GRIA1: variants seen among roughly 807,000 people sequenced by gnomAD.
The protein encoded by GRIA1 is glutamate receptor 1.
In GRIA1, 31 loss-of-function variants were observed where a neutral mutation model predicts 99.2. The ratio of observed to expected loss-of-function variants is 0.31; its 90% CI spans 0.23 to 0.42. The LOEUF (loss-of-function observed/expected upper bound fraction) is 0.42, where lower values mean the gene tolerates loss of function less well. GRIA1 is among the 10% of genes least tolerant of loss of function. GRIA1 has a pLI of 1.00. For synonymous variants in GRIA1, 438 were observed against 432.4 expected (o/e 1.01, Z -0.16); for missense variants, 782 against 1,157.5 (o/e 0.68, Z 4.71).
chr5:153,641,646 G>A (rs1047062484), intron 2 of GRIA1, among the ~76,000 whole-genome samples: 2 of 152,116 alleles, frequency 1.3e-5, no homozygotes, highest in East Asian at 1.9e-4. Flanking sequence ...TCTCTGCCAG[G>A]CCTTTGCTGT....
chr5:153,491,322 C>A (rs1753896957), intron 1 of GRIA1: 1 of 1,178,938 alleles, frequency 8.5e-7, no homozygotes, highest in Non-Finnish European at 1.1e-6. Context: ...GTGCTTGATT[C>A]CATTTTTAAT....
At chr5:153,500,979 G>A (rs1446732284) in intron 2 of GRIA1, among the ~76,000 whole-genome samples, 2 of 152,068 alleles carry the variant, frequency 1.3e-5, no homozygotes, top group Non-Finnish European at 2.9e-5. Flanking sequence ...TCCTTCTGGG[G>A]CTGTATTTCT....
At chr5:153,770,147 C>A in intron 12 of GRIA1, 21 bp from the exon 13 acceptor site, 1 of 1,611,176 alleles carries the variant, frequency 6.2e-7, no homozygotes. Context: ...TTAATTCCAG[C>A]TTTGTTTCTG....
chr5:153,720,193 C>G (rs928521600), intron 11 of GRIA1, among the ~76,000 whole-genome samples: 1 of 152,130 alleles, frequency 6.6e-6, no homozygotes, highest in South Asian at 2.1e-4. Context: ...AAGTTAGCAT[C>G]GAGCATTTTA....
At chr5:153,649,436 T>TTTATTTATTTAG in intron 3 of GRIA1, among the ~76,000 whole-genome samples, 1 of 97,208 alleles carries the variant, frequency 1.0e-5, no homozygotes, top group Admixed American at 9.6e-5. Flanking sequence ...ATTTTATTTA[T>TTTATTTATTTAG]TTATTTAGTT....
At chr5:153,753,560 T>C (rs529231439) in intron 11 of GRIA1, among the ~76,000 whole-genome samples, 1 of 152,306 alleles carries the variant, frequency 6.6e-6, no homozygotes, top group Admixed American at 6.5e-5. Flanking sequence ...GCTCGTCATC[T>C]TAGGTCTCCG....
intron 11 of GRIA1, among the ~76,000 whole-genome samples, chr5:153,720,516 G>A (rs1035584232): frequency 4.6e-5 from 7 of 152,294 alleles, no homozygotes; most frequent in African/African-American, 1.4e-4. Context: ...TCCATGTTTA[G>A]GCAATGTTTG....
At chr5:153,510,336 T>G (rs1245446357) in intron 2 of GRIA1, among the ~76,000 whole-genome samples, 1 of 152,060 alleles carries the variant, frequency 6.6e-6, no homozygotes, top group Admixed American at 6.6e-5. Context: ...TTTGGTAACA[T>G]TTGTAATTGA....
At chr5:153,771,680 G>A (rs1260948644) in intron 13 of GRIA1, among the ~76,000 whole-genome samples, 1 of 152,200 alleles carries the variant, frequency 6.6e-6, no homozygotes, top group Admixed American at 6.5e-5. Context: ...AACGAGATAT[G>A]CTGGATAAGA....
intron 2 of GRIA1, among the ~76,000 whole-genome samples, chr5:153,585,169 AAGTTGGAACAGC>A (rs1166776269): frequency 1.3e-5 from 2 of 152,110 alleles, no homozygotes; most frequent in Non-Finnish European, 2.9e-5. Context: ...TTCCAAGTGC[AAGTTGGAACAGC>A]AGGTGCCTTG....
intron 2 of GRIA1, among the ~76,000 whole-genome samples, chr5:153,566,304 C>CCTTTTTTTTTTTTTTTTTTTTTTTT (rs537995524): frequency 2.7e-5 from 1 of 36,554 alleles, no homozygotes; most frequent in East Asian, 1.2e-3. Context: ...AATTCCCTGC[C>CCTTTTTTTTTTTTTTTTTTTTTTTT]TTTTTTTTTT....
rs561235941 is a variant in GRIA1, at chr5:153,705,523, T to C, written c.1453-174T>C. On this transcript the variant is annotated intron_variant, in intron 10 of 15. Transcript: ENST00000285900. ...TGTAAGATATTGAGCTGACCATCCA[T>C]TCATCAAAAATATTTTATAGAGTAG... is the stretch of plus-strand genomic sequence containing the variant. 8.5e-5 allele frequency among the ~76,000 whole-genome samples: 13 copies of C among 152,188 alleles called. No homozygotes were observed. The South Asian group carries it at 2.7e-3, about 32-fold the overall frequency.
At chr5:153,722,405 A>G (rs1200199331) in intron 11 of GRIA1, among the ~76,000 whole-genome samples, 2 of 152,328 alleles carry the variant, frequency 1.3e-5, no homozygotes, top group East Asian at 1.9e-4. Flanking sequence ...CCTCAAAGTC[A>G]TAAAGATATT....
At chr5:153,744,046 G>A (rs538813711) in intron 11 of GRIA1, among the ~76,000 whole-genome samples, 1 of 152,248 alleles carries the variant, frequency 6.6e-6, no homozygotes, top group East Asian at 1.9e-4. Context: ...CATTTCCTGA[G>A]GGTGAGGATG....
At chr5:153,741,946 A>AAAAAG (rs1561819719) in intron 11 of GRIA1, among the ~76,000 whole-genome samples, 18 of 149,820 alleles carry the variant, frequency 1.2e-4, no homozygotes, top group African/African-American at 4.4e-4. Context: ...AAAAAAAAAA[A>AAAAAG]AAAAGAAAAA....
At chr5:153,618,505 G>T (rs908122365) in intron 2 of GRIA1, among the ~76,000 whole-genome samples, 1 of 152,138 alleles carries the variant, frequency 6.6e-6, no homozygotes, top group Non-Finnish European at 1.5e-5. Flanking sequence ...GTAGACTGGA[G>T]GAGTGGGCAA....
chr5:153,786,160 G>A (rs1764952428), intron 13 of GRIA1, among the ~76,000 whole-genome samples: 1 of 152,010 alleles, frequency 6.6e-6, no homozygotes, highest in Admixed American at 6.6e-5. Flanking sequence ...CTTCTGGTCT[G>A]AGGCCTCTCT....
intron 2 of GRIA1, among the ~76,000 whole-genome samples, chr5:153,636,518 A>T (rs1753370943): frequency 6.6e-6 from 1 of 152,220 alleles, no homozygotes; most frequent in Non-Finnish European, 1.5e-5. Context: ...TAAAAGTAGC[A>T]CTGAGTAGTG....
intron 2 of GRIA1, among the ~76,000 whole-genome samples, chr5:153,545,441 G>A (rs1189369322): frequency 1.3e-5 from 2 of 152,078 alleles, no homozygotes; most frequent in African/African-American, 4.8e-5. Context: ...AAGATGGCAT[G>A]GCAGTCTGAC....
Sources: gnomAD v4.1 joint callset for allele counts (sites outside exome capture counted in the v4.1 genomes callset) on GRCh38, gnomAD v4.1.1 for gene constraint, MANE v1.5 for transcripts, NCBI Gene and HGNC (gene_info 2026-07-23, HGNC 2026-07-21) for gene names.